MTA1: variants seen among roughly 807,000 people sequenced by gnomAD.
MTA1 encodes metastasis associated 1.
Under a neutral mutation model 97.0 loss-of-function variants are expected in MTA1, and 15 were observed. That is an observed-to-expected ratio of 0.15 (90% CI 0.10 to 0.24). The LOEUF is 0.24. Ranked by LOEUF, MTA1 falls within the 10% of genes least tolerant of loss-of-function variation. MTA1 has a pLI of 1.00. For synonymous variants in MTA1, 435 were observed against 417.5 expected (o/e 1.04, Z -0.51); for missense variants, 709 against 1,015.1 (o/e 0.70, Z 4.10).
At chr14:105,445,987 G>A (rs782455829) in intron 3 of MTA1, 104 of 296,136 alleles carry the variant, frequency 3.5e-4, no homozygotes, top group Non-Finnish European at 5.9e-4. Flanking sequence ...CCCAAGTTTA[G>A]TAACCTGGCT....
intron 1 of MTA1, among the ~76,000 whole-genome samples, chr14:105,425,357 C>T (rs1245564659): frequency 6.6e-6 from 1 of 152,098 alleles, no homozygotes; most frequent in Non-Finnish European, 1.5e-5. Flanking sequence ...GCTACTGCAG[C>T]CTCCACCCCA....
intron 2 of MTA1, among the ~76,000 whole-genome samples, chr14:105,443,261 C>T (rs186520958): frequency 1.3e-5 from 2 of 152,238 alleles, no homozygotes; most frequent in Admixed American, 6.5e-5. Context: ...GATACAGATG[C>T]GAAGGGGAGA....
Position 105,420,570 on chromosome 14 carries a change from G to T in MTA1, c.28+507G>T, listed in dbSNP as rs1171551531. Among the ~76,000 whole-genome samples, 2 of 152,210 alleles carry T rather than the reference G, an allele frequency of 1.3e-5. No individual in the cohort carries two copies. Among genetic ancestry groups the T allele is most frequent in the Non-Finnish European group, 2.9e-5 (2 of 68,010 alleles). On this transcript the variant is annotated intron_variant, in intron 1 of 20. Coordinates refer to ENST00000331320, the MANE Select transcript of MTA1 (RefSeq NM_004689.4). This position sits in a 1 kb window ranked among gnomAD's most constrained non-coding sequence, Gnocchi z 5.3. The stretch of plus-strand genomic sequence containing the variant: ...AGCCCTCCTGCAGCCTGGCCCCGGG[G>T]CTTCCCCCAGCAGGGATCCCTCAGG...
At chr14:105,451,377 G>A (rs1355860706) in intron 6 of MTA1, among the ~76,000 whole-genome samples, 2 of 152,272 alleles carry the variant, frequency 1.3e-5, no homozygotes, top group Non-Finnish European at 2.9e-5. Context: ...AGAGCAGGCA[G>A]GGCTTGGCCT....
In MTA1 at chr14:105,463,282, C is replaced by T. The variant is rs372916921; in HGVS notation, c.1017+24C>T. On this transcript the variant is annotated intron_variant, in intron 11 of 20. Coordinates refer to ENST00000331320, the MANE Select transcript of MTA1 (RefSeq NM_004689.4). This position sits in a 1 kb window ranked among gnomAD's most constrained non-coding sequence, Gnocchi z 5.9. Reference sequence around the variant, plus strand: ...AGGTGAGCCCGCCCGCCACTCAGTGCCCGGGGTGTGCCGCCTCCCCGTCCT... The same window carrying T: ...AGGTGAGCCCGCCCGCCACTCAGTGTCCGGGGTGTGCCGCCTCCCCGTCCT... 80 of 1,610,148 alleles carry T rather than the reference C, an allele frequency of 5.0e-5. No homozygotes were observed. Among genetic ancestry groups the T allele is most frequent in the Admixed American group, 3.3e-5 (2 of 59,960 alleles).
At chr14:105,430,878 T>C (rs1247517887) in intron 1 of MTA1, among the ~76,000 whole-genome samples, 6 of 152,198 alleles carry the variant, frequency 3.9e-5, no homozygotes, top group South Asian at 4.1e-4. Context: ...TAAAGTGTTA[T>C]GGGAACACGG....
At chr14:105,456,323 G>GGGCC (rs2083151223) in intron 7 of MTA1, among the ~76,000 whole-genome samples, 1 of 152,256 alleles carries the variant, frequency 6.6e-6, no homozygotes, top group Admixed American at 6.5e-5. Context: ...TGGGGCCAGT[G>GGGCC]GGCCTGTCAG....
intron 3 of MTA1, chr14:105,449,024 C>T (rs984994102): frequency 3.1e-5 from 9 of 286,192 alleles, no homozygotes; most frequent in East Asian, 6.7e-5. Flanking sequence ...TGCTGCTGGC[C>T]GGTGCCCGGC....
intron 1 of MTA1, among the ~76,000 whole-genome samples, chr14:105,425,929 AGC>A (rs1455596585): frequency 1.3e-5 from 2 of 151,252 alleles, no homozygotes; most frequent in Non-Finnish European, 2.9e-5. Flanking sequence ...TGGGCCATGC[AGC>A]GCACCTGAGG....
At position 105,463,574 on chromosome 14, in the gene MTA1, C is replaced by A; in HGVS notation, c.1076+23C>A. 1.9e-6 allele frequency: 3 copies of A among 1,611,918 alleles called. No homozygotes were observed. Among genetic ancestry groups the A allele is most frequent in the South Asian group, 2.2e-5 (2 of 91,036 alleles). ...CTAGTAAGTGTGCCCTCACAGCCGT[C>A]GTCCTCGTGGCCCCGGGGGCCAGGG... is the stretch of plus-strand genomic sequence containing the variant. On this transcript the variant is annotated intron_variant, in intron 12 of 20. Coordinates refer to ENST00000331320, the MANE Select transcript of MTA1 (RefSeq NM_004689.4). This position sits in a 1 kb window ranked among gnomAD's most constrained non-coding sequence, Gnocchi z 5.9.
At position 105,466,431 on chromosome 14, in the gene MTA1, C is replaced by A; in HGVS notation, c.1630C>A (p.His544Asn). The A allele has an allele frequency of 6.7e-6, 7 of 1,042,102 alleles. No individual in the cohort carries two copies. The highest frequency in any genetic ancestry group is 1.0e-5 in the Non-Finnish European group (7 of 691,562). The allele number at this position is 1,042,102 out of a possible 1,614,324, so 64.6% of individuals were successfully genotyped here. ...LEAVLRYLET[H>N]PRPPKPDPVK... The stretch of plus-strand genomic sequence containing the variant: ...GCCTGTGTCATTCCCGGCAGAGACC[C>A]ACCCCCGCCCCCCCAAGCCTGACCC... Residue 544 changes from histidine to asparagine, a missense_variant, in exon 17 of 21, where the codon CAC (histidine) becomes AAC (asparagine). Physicochemically the swap from His to Asn is moderately conservative, Grantham distance 68. This residue lies in a region of MTA1 where 388 missense variants were observed against 421.6 expected (regional missense o/e 0.92). Transcript: ENST00000331320.
At chr14:105,450,869 C>T (rs934218326) in intron 6 of MTA1, among the ~76,000 whole-genome samples, 5 of 152,214 alleles carry the variant, frequency 3.3e-5, no homozygotes, top group East Asian at 1.9e-4. Context: ...TGTCGCCTGA[C>T]GGAGAGCGGT....
rs587751445 is a variant in MTA1, at chr14:105,434,584, C to T, written c.29-4088C>T. Among the ~76,000 whole-genome samples, 80 of 151,764 alleles carry T rather than the reference C, an allele frequency of 5.3e-4. 1 individual carries two copies. Among genetic ancestry groups the T allele is most frequent in the South Asian group, 3.1e-3 (15 of 4,796 alleles). ...CGTGATCTCAGCTCACCGCAACCTC[C>T]GCCTCCCGGGTTCAAGCGATTGTCC... is the stretch of plus-strand genomic sequence containing the variant. On this transcript the variant is annotated intron_variant, in intron 1 of 20. Transcript: ENST00000331320.
chr14:105,465,071 T>C (rs904959354), intron 15 of MTA1, 23 bp from the exon 16 acceptor site: 1 of 1,491,840 alleles, frequency 6.7e-7, no homozygotes, highest in Admixed American at 2.2e-5. Flanking sequence ...GCCCCACCCC[T>C]CACACCGTGT....
chr14:105,448,125 C>G (rs1388002066), intron 3 of MTA1, among the ~76,000 whole-genome samples: 1 of 152,060 alleles, frequency 6.6e-6, no homozygotes, highest in Non-Finnish European at 1.5e-5. Context: ...AGGGGAACGT[C>G]CCTCCTCAGA....
intron 2 of MTA1, among the ~76,000 whole-genome samples, chr14:105,442,292 GA>G (rs1350004042): frequency 3.3e-5 from 5 of 152,240 alleles, no homozygotes; most frequent in Admixed American, 2.0e-4. Flanking sequence ...GAAGGCAGAT[GA>G]GTGAGGTTTC....
intron 3 of MTA1, 117 bp from the exon 4 acceptor site, chr14:105,449,242 C>A: frequency 9.9e-7 from 1 of 1,013,904 alleles, no homozygotes; most frequent in Non-Finnish European, 1.4e-6. Context: ...GGGAGGCCTG[C>A]GGCCCCCGTT....
chr14:105,456,625 C>G (rs1054195394), intron 7 of MTA1, among the ~76,000 whole-genome samples: 7 of 152,364 alleles, frequency 4.6e-5, no homozygotes, highest in African/African-American at 1.7e-4. Flanking sequence ...AAATTGCACA[C>G]TAGTTGTGCA....
intron 2 of MTA1, among the ~76,000 whole-genome samples, chr14:105,441,161 C>T (rs1445307424): frequency 6.6e-6 from 1 of 152,216 alleles, no homozygotes; most frequent in African/African-American, 2.4e-5. Flanking sequence ...GAGCAGTGGA[C>T]TCAGAGGACC....
Sources: allele counts gnomAD v4.1 joint callset (sites outside exome capture counted in the v4.1 genomes callset), GRCh38; gene constraint gnomAD v4.1.1; regional missense constraint gnomAD v4.1.1; non-coding constraint Gnocchi (gnomAD v3.1); transcripts MANE v1.5; gene names NCBI Gene and HGNC (gene_info 2026-07-23, HGNC 2026-07-21).